The following MCTP1 variants were observed in gnomAD, a reference collection of about 807,000 sequenced individuals.
MCTP1 encodes multiple C2 and transmembrane domain containing 1, also known as multiple C2 and transmembrane domain-containing protein 1.
A neutral mutation model predicts 120.6 loss-of-function variants in MCTP1; 69 were observed. The ratio of observed to expected loss-of-function variants is 0.57; its 90% CI spans 0.47 to 0.70. MCTP1 has a LOEUF of 0.70. Among genes scored for constraint, MCTP1 ranks in the 30% least tolerant of loss-of-function variants. The pLI, the probability that MCTP1 is intolerant of heterozygous loss-of-function variation, is 0.00. For missense variants in MCTP1, 1,203 were observed against 1,248.8 expected (o/e 0.96, Z 0.55); for synonymous variants, 529 against 493.1 (o/e 1.07, Z -0.96).
At chr5:95,201,427 T>G (rs183188849) in intron 1 of MCTP1, among the ~76,000 whole-genome samples, 1 of 147,380 alleles carries the variant, frequency 6.8e-6, no homozygotes, top group African/African-American at 2.5e-5. Flanking sequence ...GAGTGTATTT[T>G]TTAAGTACAA....
At chr5:94,812,774 T>TA (rs34926852) in intron 17 of MCTP1, among the ~76,000 whole-genome samples, 51 of 142,492 alleles carry the variant, frequency 3.6e-4, no homozygotes, top group Middle Eastern at 6.9e-3. Context: ...CCTTGCCTCT[T>TA]AAAAAAAAAA....
chr5:94,742,149 G>A (rs559857655), intron 19 of MCTP1, among the ~76,000 whole-genome samples: 78 of 152,206 alleles, frequency 5.1e-4, no homozygotes, highest in African/African-American at 1.7e-3. Flanking sequence ...AATGATGCTC[G>A]AACCCATCTA....
At position 95,282,349 on chromosome 5, in the gene MCTP1, C is replaced by T. The variant is rs146505305; in HGVS notation, c.720+1507G>A. On this transcript the variant is annotated intron_variant, in intron 1 of 22. Transcript: ENST00000515393. Reference sequence around the variant, plus strand: ...ATGTGATTTAATAAGTTAACATTCACGGTAATATGATATATACCTTTCAAA... The same window carrying T: ...ATGTGATTTAATAAGTTAACATTCATGGTAATATGATATATACCTTTCAAA... Among the ~76,000 whole-genome samples, 872 of 151,986 alleles carry T rather than the reference C, an allele frequency of 5.7e-3. 9 individuals are homozygous for T. The highest frequency in any genetic ancestry group is 0.029 in the South Asian group (140 of 4,824).
chr5:94,941,110 G>A (rs754525156), intron 4 of MCTP1, among the ~76,000 whole-genome samples: 2 of 151,746 alleles, frequency 1.3e-5, no homozygotes, highest in Non-Finnish European at 2.9e-5. Context: ...ATTTTTCACC[G>A]ATGATTTATC....
At chr5:95,139,150 T>G (rs1759702570) in intron 1 of MCTP1, among the ~76,000 whole-genome samples, 1 of 152,190 alleles carries the variant, frequency 6.6e-6, no homozygotes, top group South Asian at 2.1e-4. Context: ...ATCAAAAAAG[T>G]TAGATCTTCA....
intron 10 of MCTP1, among the ~76,000 whole-genome samples, chr5:94,901,920 GC>G (rs1172094403): frequency 6.6e-6 from 1 of 152,110 alleles, no homozygotes; most frequent in African/African-American, 2.4e-5. Context: ...CAGAAATGAA[GC>G]CTCATCAGTC....
chr5:95,284,051 C>A lies in MCTP1; in HGVS notation c.525G>T (p.Arg175Ser). ...SLSSSPQPPP[R>S]GDRARDEGAR... ...CACCCTCATCTCGGGCGCGGTCCCC[C>A]CTCGGGGGAGGCTGGGGCGAGGAGG... Residue 175 changes from arginine to serine, a missense_variant, in exon 1 of 23, where the codon AGG becomes AGT. Physicochemically the swap from Arg to Ser is moderately radical, Grantham distance 110. Transcript: ENST00000515393. The surrounding 1 kb of genome is among the most constrained non-coding windows in gnomAD (Gnocchi z 5.2). 6.5e-7 allele frequency: 1 copy of A among 1,533,672 alleles called. No individual in the cohort carries two copies. Among genetic ancestry groups the A allele is most frequent in the South Asian group, 1.2e-5 (1 of 81,462 alleles).
intron 1 of MCTP1, among the ~76,000 whole-genome samples, chr5:95,258,895 A>G (rs1324624870): frequency 6.6e-6 from 1 of 152,332 alleles, no homozygotes; most frequent in East Asian, 1.9e-4. Flanking sequence ...TCCTGGAGCC[A>G]AAATATGGGT....
At chr5:95,245,345 T>C (rs1254975026) in intron 1 of MCTP1, among the ~76,000 whole-genome samples, 2 of 152,122 alleles carry the variant, frequency 1.3e-5, no homozygotes, top group African/African-American at 4.8e-5. Context: ...TTGACAGAAG[T>C]AGGCTTCAGA....
chr5:95,187,481 C>T (rs1749336768), intron 1 of MCTP1, among the ~76,000 whole-genome samples: 1 of 152,146 alleles, frequency 6.6e-6, no homozygotes, highest in African/African-American at 2.4e-5. Context: ...CTCATCTTAA[C>T]CTCCACCTTC....
intron 1 of MCTP1, among the ~76,000 whole-genome samples, chr5:95,039,715 A>C (rs1841984923): frequency 6.6e-6 from 1 of 152,128 alleles, no homozygotes; most frequent in African/African-American, 2.4e-5. Context: ...TGCTATAGAT[A>C]AAATGTAAGT....
At chr5:95,065,746 C>A (rs987389387) in intron 1 of MCTP1, among the ~76,000 whole-genome samples, 1 of 152,076 alleles carries the variant, frequency 6.6e-6, no homozygotes, top group Non-Finnish European at 1.5e-5. Flanking sequence ...GTTTTAACCA[C>A]AGTATGGATA....
chr5:95,176,059 T>C (rs960984529), intron 1 of MCTP1, among the ~76,000 whole-genome samples: 2 of 152,202 alleles, frequency 1.3e-5, no homozygotes, highest in Admixed American at 1.3e-4. Context: ...TATAAAATAC[T>C]GGTGATTCCT....
intron 1 of MCTP1, among the ~76,000 whole-genome samples, chr5:95,250,315 G>A (rs1425818876): frequency 6.6e-6 from 1 of 152,138 alleles, no homozygotes; most frequent in Non-Finnish European, 1.5e-5. Context: ...GGACTTGGGG[G>A]CTGAGGGAAT....
In MCTP1 at chr5:95,201,401, TA is replaced by T. The variant is rs568318117; in HGVS notation, c.720+82454del. Reference sequence around the variant, plus strand: ...CTACCTTTTTGTTATGATTTAAATTTAAAAATTATAGGGATGAGTGTATTTT... The same window carrying T: ...CTACCTTTTTGTTATGATTTAAATTTAAAATTATAGGGATGAGTGTATTTT... On this transcript the variant is annotated intron_variant, in intron 1 of 22. Transcript: ENST00000515393. Among the ~76,000 whole-genome samples, 8 of 150,716 alleles carry T rather than the reference TA, an allele frequency of 5.3e-5. 1 individual carries two copies. Among genetic ancestry groups the T allele is most frequent in the Non-Finnish European group, 1.2e-4 (8 of 67,628 alleles).
intron 1 of MCTP1, among the ~76,000 whole-genome samples, chr5:95,224,136 C>T (rs930282875): frequency 1.3e-5 from 2 of 152,136 alleles, no homozygotes; most frequent in African/African-American, 4.8e-5. Flanking sequence ...GGGCATGTTA[C>T]GGAATTTCAC....
At chr5:94,709,203 C>T (rs1449133804) in intron 21 of MCTP1, 2 of 152,114 alleles carry the variant, frequency 1.3e-5, no homozygotes, top group African/African-American at 4.8e-5. Context: ...ACTGGAGCAT[C>T]TTGGCTCCTC....
chr5:95,256,608 T>G (rs1757921386), intron 1 of MCTP1, among the ~76,000 whole-genome samples: 1 of 152,220 alleles, frequency 6.6e-6, no homozygotes. Flanking sequence ...TTTGGCTTCT[T>G]AGCTCTTCCA....
chr5:95,251,575 A>G (rs1757387328), intron 1 of MCTP1, among the ~76,000 whole-genome samples: 1 of 152,104 alleles, frequency 6.6e-6, no homozygotes, highest in Non-Finnish European at 1.5e-5. Context: ...TTAAGTTGAG[A>G]TTTCTTATCT....
Sources: allele counts gnomAD v4.1 joint callset (sites outside exome capture counted in the v4.1 genomes callset), GRCh38; gene constraint gnomAD v4.1.1; non-coding constraint Gnocchi (gnomAD v3.1); transcripts MANE v1.5; gene names NCBI Gene and HGNC (gene_info 2026-07-23, HGNC 2026-07-21).